Variants in SIPA1L1 observed in about 807,000 individuals in gnomAD.
SIPA1L1 encodes the protein signal-induced proliferation-associated 1-like protein 1.
SIPA1L1 carries 26 observed loss-of-function variants against 162.7 expected under a neutral mutation model. The ratio of observed to expected loss-of-function variants is 0.16; its 90% CI spans 0.12 to 0.22. The LOEUF (loss-of-function observed/expected upper bound fraction) is 0.22. SIPA1L1 is among the 10% of genes least tolerant of loss of function. SIPA1L1 has a pLI of 1.00. For missense variants in SIPA1L1, 1,874 were observed against 2,241.0 expected, an observed-to-expected ratio of 0.84 and a Z score of 3.31; for synonymous variants, 829 against 837.4, an observed-to-expected ratio of 0.99 and a Z score of 0.17.
chr14:71,322,248 GGGAGTTAA>G (rs1207314126), intron 2 of SIPA1L1, among the ~76,000 whole-genome samples: 1 of 152,136 alleles, frequency 6.6e-6, no homozygotes, highest in Non-Finnish European at 1.5e-5. Context: ...GGTACTCTGT[GGGAGTTAA>G]GTGTCAACTT....
At chr14:71,527,509 C>T (rs890506287) in intron 3 of SIPA1L1, among the ~76,000 whole-genome samples, 1 of 151,948 alleles carries the variant, frequency 6.6e-6, no homozygotes, top group Admixed American at 6.6e-5. Context: ...GCACAGCCCT[C>T]TTATTAATTT....
In SIPA1L1 at chr14:71,735,308, T is replaced by C. The variant is rs2085183317; in HGVS notation, c.5040T>C (p.Asp1680=). 15 of 1,614,190 alleles carry C rather than the reference T, an allele frequency of 9.3e-6. No homozygotes were observed. The highest frequency in any genetic ancestry group is 1.3e-5 in the Non-Finnish European group (15 of 1,180,004). ...GAGCCTCATTTTTTGCTGCTAGTGA[T>C]GAAAACCATCGCCCCTTGAGTGCTG... The part of the protein sequence containing the change: ...VQRASFFAAS[D]ENHRPLSAAS... The change falls in exon 22 of 24, where the codon GAT becomes GAC. Residue 1680 remains aspartate (D), a synonymous_variant. Transcript: ENST00000381232.
chr14:71,580,494 A>G (rs2033770140), intron 4 of SIPA1L1, among the ~76,000 whole-genome samples: 1 of 152,222 alleles, frequency 6.6e-6, no homozygotes, highest in Non-Finnish European at 1.5e-5. Flanking sequence ...ATATAAGGAA[A>G]GCATCTGTAA....
intron 7 of SIPA1L1, among the ~76,000 whole-genome samples, chr14:71,643,417 T>C (rs1261760435): frequency 6.6e-6 from 1 of 152,248 alleles, no homozygotes; most frequent in East Asian, 1.9e-4. Flanking sequence ...CAAAGAGCTT[T>C]TGTTCATAAG....
At chr14:71,560,205 G>A (rs2056675599) in intron 4 of SIPA1L1, among the ~76,000 whole-genome samples, 1 of 152,160 alleles carries the variant, frequency 6.6e-6, no homozygotes, top group Admixed American at 6.5e-5. Context: ...AGATTTACTT[G>A]TGTCAGGAAT....
chr14:71,734,554 G>T (rs1246206712), intron 21 of SIPA1L1, among the ~76,000 whole-genome samples: 1 of 152,104 alleles, frequency 6.6e-6, no homozygotes, highest in East Asian at 1.9e-4. Flanking sequence ...TTAATTAGGA[G>T]AATTGAAAAT....
chr14:71,705,192 T>C, intron 15 of SIPA1L1, 30 bp from the exon 16 acceptor site: 1 of 1,492,156 alleles, frequency 6.7e-7, no homozygotes, highest in Non-Finnish European at 9.4e-7. Flanking sequence ...GCTTAGTGCC[T>C]GCACCATAAT....
rs2074716 is a variant in SIPA1L1, at chr14:71,729,829, A to G, written c.4615-226A>G. Reference sequence around the variant, plus strand: ...CCACTTAATCACATACCTGAATCACATAGGGAGCACTGATAGACTGCAGGC... The same window carrying G: ...CCACTTAATCACATACCTGAATCACGTAGGGAGCACTGATAGACTGCAGGC... On this transcript the variant is annotated intron_variant, in intron 19 of 23. Transcript: ENST00000381232. 3.2e-3 allele frequency among the ~76,000 whole-genome samples: 495 copies of G among 152,330 alleles called. 12 individuals are homozygous for G. In the East Asian group the frequency reaches 0.053, roughly 16 times the overall value.
chr14:71,729,296 A>G (rs1445787617), intron 19 of SIPA1L1, among the ~76,000 whole-genome samples: 1 of 152,184 alleles, frequency 6.6e-6, no homozygotes, highest in Non-Finnish European at 1.5e-5. Flanking sequence ...TCGGCCTCCC[A>G]AAGTGCTGGG....
At chr14:71,506,285 T>C (rs1273269161) in intron 2 of SIPA1L1, among the ~76,000 whole-genome samples, 1 of 152,228 alleles carries the variant, frequency 6.6e-6, no homozygotes, top group Non-Finnish European at 1.5e-5. Context: ...TCTGTTGTAT[T>C]ATTTACATAA....
At chr14:71,508,031 G>A (rs1401501963) in intron 2 of SIPA1L1, among the ~76,000 whole-genome samples, 1 of 152,230 alleles carries the variant, frequency 6.6e-6, no homozygotes, top group Non-Finnish European at 1.5e-5. Context: ...AGCTCAAGGT[G>A]AGGAAGACAG....
chr14:71,393,230 GTTA>G (rs1246472391), intron 2 of SIPA1L1, among the ~76,000 whole-genome samples: 4 of 151,964 alleles, frequency 2.6e-5, no homozygotes, highest in African/African-American at 9.7e-5. Flanking sequence ...AAATTGTCAA[GTTA>G]TTATAATATT....
intron 2 of SIPA1L1, among the ~76,000 whole-genome samples, chr14:71,422,727 A>G (rs1211944744): frequency 2.0e-5 from 3 of 152,236 alleles, no homozygotes; most frequent in African/African-American, 7.2e-5. Context: ...CCATTCATCC[A>G]TCGATGGACA....
chr14:71,368,207 T>G (rs1302150860), intron 2 of SIPA1L1, among the ~76,000 whole-genome samples: 2 of 144,720 alleles, frequency 1.4e-5, no homozygotes, highest in African/African-American at 2.6e-5. Context: ...ATGTGCACAT[T>G]GTGCAGGTTA....
chr14:71,339,172 G>C (rs2035391701), intron 2 of SIPA1L1, among the ~76,000 whole-genome samples: 1 of 152,110 alleles, frequency 6.6e-6, no homozygotes, highest in Admixed American at 6.5e-5. Flanking sequence ...TCCTCAGGTA[G>C]GTATAGATTC....
intron 12 of SIPA1L1, among the ~76,000 whole-genome samples, chr14:71,677,373 G>A (rs1383108000): frequency 6.6e-6 from 1 of 152,184 alleles, no homozygotes; most frequent in East Asian, 1.9e-4. Context: ...CTGGATGTTA[G>A]CCCTTTGTCA....
rs112048715 is a variant in SIPA1L1 at position 71,491,424 on chromosome 14, A to G, written c.-464-21319A>G. ...ATTGTACTTATCTTCATGGAACTTA[A>G]TGGCTTAGTGGAAGAGAAATGAAAC... On this transcript the variant is annotated intron_variant, in intron 2 of 23. Coordinates refer to ENST00000381232, the MANE Select transcript of SIPA1L1 (RefSeq NM_001386936.1). Among the ~76,000 whole-genome samples the G allele has an allele frequency of 5.8e-4, 88 of 152,308 alleles. 2 individuals are homozygous for G. Among genetic ancestry groups the G allele is most frequent in the African/African-American group, 2.0e-3 (82 of 41,576 alleles).
At chr14:71,335,173 G>C (rs555347274) in intron 2 of SIPA1L1, among the ~76,000 whole-genome samples, 1 of 152,264 alleles carries the variant, frequency 6.6e-6, no homozygotes, top group African/African-American at 2.4e-5. Context: ...GGTAGTGGGC[G>C]CCTGTAGTTC....
chr14:71,410,939 C>T (rs947529449), intron 2 of SIPA1L1, among the ~76,000 whole-genome samples: 1 of 152,066 alleles, frequency 6.6e-6, no homozygotes, highest in Non-Finnish European at 1.5e-5. Flanking sequence ...TTCTTTGAGG[C>T]GACTTAGATC....
Sources: allele counts gnomAD v4.1 joint callset (sites outside exome capture counted in the v4.1 genomes callset), GRCh38; gene constraint gnomAD v4.1.1; transcripts MANE v1.5; gene names NCBI Gene and HGNC (gene_info 2026-07-23, HGNC 2026-07-21).